CELF6: variants seen among roughly 807,000 people sequenced by gnomAD.
CELF6 encodes CUGBP Elav-like family member 6.
In CELF6, 32 loss-of-function variants were observed where a neutral mutation model predicts 53.1. The observed-to-expected ratio is 0.60, with a 90% CI of 0.46 to 0.81. The LOEUF (loss-of-function observed/expected upper bound fraction) is 0.81, where lower values mean the gene tolerates loss of function less well. Ranked by LOEUF, CELF6 falls within the 30% of genes least tolerant of loss-of-function variation. CELF6 has a pLI of 0.00. For missense variants in CELF6, 539 were observed against 669.5 expected (o/e 0.81, Z 2.15); for synonymous variants, 291 against 288.8 (o/e 1.01, Z -0.08).
intron 3 of CELF6, among the ~76,000 whole-genome samples, chr15:72,303,916 G>A (rs1019547140): frequency 6.6e-6 from 1 of 151,986 alleles, no homozygotes; most frequent in African/African-American, 2.4e-5. Context: ...GGAGTGCAAT[G>A]GCGTGATCTC....
chr15:72,286,715 C>A (rs1046824624), intron 12 of CELF6, among the ~76,000 whole-genome samples: 4 of 152,244 alleles, frequency 2.6e-5, no homozygotes, highest in African/African-American at 9.6e-5. Context: ...CCCCATCACC[C>A]ACCAGGCCCT....
intron 2 of CELF6, among the ~76,000 whole-genome samples, chr15:72,309,929 GGATA>G (rs1207846965): frequency 6.6e-6 from 1 of 152,166 alleles, no homozygotes; most frequent in African/African-American, 2.4e-5. Context: ...GGAATTCAAG[GGATA>G]GAATGTCAGA....
chr15:72,313,660 C>T (rs1248495811), intron 2 of CELF6: 2 of 619,292 alleles, frequency 3.2e-6, no homozygotes, highest in African/African-American at 4.0e-5. Flanking sequence ...CATTTCACAC[C>T]CACCTGTTCC....
At chr15:72,301,033 G>C (rs1053052945) in intron 3 of CELF6, among the ~76,000 whole-genome samples, 1 of 151,938 alleles carries the variant, frequency 6.6e-6, no homozygotes, top group Admixed American at 6.6e-5. Flanking sequence ...ACCTAGGCTG[G>C]AGTGCAGTAG....
chr15:72,318,431 A>G (rs1409956915), intron 1 of CELF6, among the ~76,000 whole-genome samples: 1 of 152,142 alleles, frequency 6.6e-6, no homozygotes, highest in African/African-American at 2.4e-5. Context: ...ATCATGGAGG[A>G]TAGTTGGTGA....
chr15:72,295,946 C>A (rs1047754050), intron 3 of CELF6, among the ~76,000 whole-genome samples: 2 of 152,068 alleles, frequency 1.3e-5, no homozygotes, highest in Non-Finnish European at 2.9e-5. Context: ...ACCCAGCAAT[C>A]TTGAAGAAGA....
Position 72,289,975 on chromosome 15 carries a change from C to T in CELF6, c.567G>A (p.Ala189=), listed in dbSNP as rs144738598. 9 of 1,587,192 alleles carry T rather than the reference C, an allele frequency of 5.7e-6. No homozygotes were observed. The African/African-American group carries it at 8.1e-5, about 14-fold the overall frequency. The change falls in exon 5 of 13, where the codon GCG becomes GCA. Residue 189 remains alanine (A), a synonymous_variant. Transcript: ENST00000287202. The surrounding 1 kb of genome is among the most constrained non-coding windows in gnomAD (Gnocchi z 7.6). The stretch of plus-strand genomic sequence containing the variant: ...GGCTGCCGTGCAGACCCCGGATGGC[C>T]GCCTGAGCTTCCCCTTGACTCCCGA... ...VKFGSQGEAQ[A]AIRGLHGSRT...
chr15:72,299,652 C>T (rs183995853), intron 3 of CELF6, among the ~76,000 whole-genome samples: 51 of 152,236 alleles, frequency 3.4e-4, no homozygotes, highest in Admixed American at 2.9e-3. Flanking sequence ...TGAGCCACCA[C>T]GCCCAGTCCT....
At position 72,288,396 on chromosome 15, in the gene CELF6, C is replaced by T. The variant is rs745631773; in HGVS notation, c.1230G>A (p.Ala410=). 15 of 1,613,968 alleles carry T rather than the reference C, an allele frequency of 9.3e-6. No homozygotes were observed. The highest frequency in any genetic ancestry group is 2.7e-5 in the African/African-American group (2 of 74,918). ...IYHLPQEFGD[A]ELIQTFLPFG... ...AGGGCAGGAATGTCTGTATGAGTTC[C>T]GCATCACCAAACTCCTGAGGCAGGT... The change falls in exon 11 of 13, where the codon GCG becomes GCA. Residue 410 remains alanine, a synonymous_variant. Transcript: ENST00000287202. This position sits in a 1 kb window ranked among gnomAD's most constrained non-coding sequence, Gnocchi z 4.6.
At chr15:72,294,058 G>T (rs2088043041) in intron 3 of CELF6, among the ~76,000 whole-genome samples, 1 of 152,150 alleles carries the variant, frequency 6.6e-6, no homozygotes, top group Non-Finnish European at 1.5e-5. Flanking sequence ...CCATGAAGCT[G>T]CCTTGTGCAG....
chr15:72,313,820 T>TA, intron 2 of CELF6: 1 of 771,282 alleles, frequency 1.3e-6, no homozygotes, highest in Non-Finnish European at 1.6e-6. Context: ...CTGCTGTTAC[T>TA]ATTACTGTTA....
At chr15:72,295,376 AAT>A (rs953733814) in intron 3 of CELF6, among the ~76,000 whole-genome samples, 1 of 151,812 alleles carries the variant, frequency 6.6e-6, no homozygotes, top group African/African-American at 2.4e-5. Flanking sequence ...AATACTTGGG[AAT>A]AAACTTAACC....
intron 2 of CELF6, among the ~76,000 whole-genome samples, chr15:72,305,502 C>T (rs1354540611): frequency 3.9e-5 from 6 of 152,196 alleles, no homozygotes; most frequent in Non-Finnish European, 5.9e-5. Context: ...CCACTGCGCC[C>T]GGCCAGATTC....
rs1374400916 is a variant in CELF6 at position 72,289,592 on chromosome 15, C to T, written c.747+35G>A. ...TCAGCCCCAGGCCTGGCCCACCCACCTGCGCGCCCTCGCACGCAGGTGCCC... is the reference window on the plus strand; with the variant it reads ...TCAGCCCCAGGCCTGGCCCACCCACTTGCGCGCCCTCGCACGCAGGTGCCC... On this transcript the variant is annotated intron_variant, in intron 6 of 12. Coordinates refer to ENST00000287202, the MANE Select transcript of CELF6 (RefSeq NM_052840.5). The surrounding 1 kb of genome is among the most constrained non-coding windows in gnomAD (Gnocchi z 7.6). 1.4e-6 allele frequency: 2 copies of T among 1,477,044 alleles called. No individual in the cohort carries two copies. Among genetic ancestry groups the T allele is most frequent in the South Asian group, 1.3e-5 (1 of 76,172 alleles). 91.5% of individuals were successfully genotyped at this position (1,477,044 alleles called of 1,614,324 possible).
chr15:72,306,165 AT>A, intron 2 of CELF6: 1 of 975,482 alleles, frequency 1.0e-6, no homozygotes, highest in African/African-American at 1.8e-5. Context: ...TGTTGTGGGG[AT>A]CACATGAGGT....
In CELF6 at chr15:72,288,735, G is replaced by C. The variant is rs1038406037; in HGVS notation, c.1094-117C>G. The C allele has an allele frequency of 2.2e-6, 3 of 1,367,948 alleles. No individual in the cohort carries two copies. The highest frequency in any genetic ancestry group is 3.1e-6 in the Non-Finnish European group (3 of 977,608). The allele number at this position is 1,367,948 out of a possible 1,614,324, so 84.7% of individuals were successfully genotyped here. On this transcript the variant is annotated intron_variant, in intron 9 of 12. Coordinates refer to ENST00000287202, the MANE Select transcript of CELF6 (RefSeq NM_052840.5). The surrounding 1 kb of genome is among the most constrained non-coding windows in gnomAD (Gnocchi z 4.6). ...CAGTCCACCATAACCCTCACCCCAA[G>C]AGAGGTCGTTCTGGGGGTAGGAGGG...
intron 1 of CELF6, among the ~76,000 whole-genome samples, chr15:72,318,194 C>T (rs2088384721): frequency 6.6e-6 from 1 of 152,118 alleles, no homozygotes; most frequent in Non-Finnish European, 1.5e-5. Context: ...AGGTATTGTC[C>T]TTTCATACAC....
Position 72,319,956 on chromosome 15 carries a change from CA to C in CELF6, c.-83del, listed in dbSNP as rs1457876132. The C allele has an allele frequency of 1.1e-5, 15 of 1,360,584 alleles. No homozygotes were observed. Among genetic ancestry groups the C allele is most frequent in the East Asian group, 6.0e-5 (2 of 33,608 alleles). 84.3% of individuals were successfully genotyped at this position (1,360,584 alleles called of 1,614,324 possible). A position where few individuals can be genotyped will look rare whatever the true frequency, so the allele number is the denominator to read the frequency against. ...CCCTCCCTGGACCGGTGGCGAGGGC[CA>C]GGGGGAGGGGGCGGAGCCCGGGCGG... On this transcript the variant is annotated 5_prime_UTR_variant, in exon 1 of 13. Transcript: ENST00000287202. This position sits in a 1 kb window ranked among gnomAD's most constrained non-coding sequence, Gnocchi z 5.0.
chr15:72,318,832 A>C (rs931094009), intron 1 of CELF6, among the ~76,000 whole-genome samples: 8 of 152,152 alleles, frequency 5.3e-5, no homozygotes, highest in Non-Finnish European at 1.2e-4. Context: ...TAGAGAAGGA[A>C]AGAAGTGTGG....
Sources: allele counts gnomAD v4.1 joint callset (sites outside exome capture counted in the v4.1 genomes callset), GRCh38; gene constraint gnomAD v4.1.1; non-coding constraint Gnocchi (gnomAD v3.1); transcripts MANE v1.5; gene names NCBI Gene and HGNC (gene_info 2026-07-23, HGNC 2026-07-21).